The following KIF16B variants were observed in gnomAD, a reference collection of about 807,000 sequenced individuals.
KIF16B encodes kinesin-like protein KIF16B.
KIF16B carries 98 observed loss-of-function variants against 156.3 expected under a neutral mutation model. That is an observed-to-expected ratio of 0.63 (90% confidence interval 0.53 to 0.74). KIF16B has a LOEUF of 0.74. Among genes scored for constraint, KIF16B ranks in the 30% least tolerant of loss-of-function variants. The probability of loss-of-function intolerance (pLI) is 0.00; values close to 1 mark genes in which losing one functional copy is unlikely to be tolerated. For missense variants in KIF16B, 1,421 were observed against 1,606.5 expected, an observed-to-expected ratio of 0.88 and a Z score of 1.97; for synonymous variants, 564 against 583.7, an observed-to-expected ratio of 0.97 and a Z score of 0.49.
chr20:16,276,290 A>G (rs2063060443), intron 25 of KIF16B, among the ~76,000 whole-genome samples: 1 of 152,258 alleles, frequency 6.6e-6, no homozygotes, highest in African/African-American at 2.4e-5. Context: ...AAAGTTAAAA[A>G]TATAAATGAA....
intron 4 of KIF16B, among the ~76,000 whole-genome samples, chr20:16,514,831 AGCTGAG>A (rs2069085803): frequency 7.3e-6 from 1 of 137,858 alleles, no homozygotes; most frequent in Admixed American, 7.8e-5. Flanking sequence ...GCTTGCAGCG[AGCTGAG>A]ATCGCACCAC....
chr20:16,568,992 C>G (rs907832656), intron 1 of KIF16B, among the ~76,000 whole-genome samples: 2 of 151,964 alleles, frequency 1.3e-5, no homozygotes, highest in South Asian at 2.1e-4. Flanking sequence ...AGAGGTAGGG[C>G]CTTTGGGAGG....
rs141618118 is a variant in KIF16B at position 16,380,007 on chromosome 20, G to A, written c.1995C>T (p.Ile665=). The change falls in exon 19 of 26, where the codon ATC becomes ATT. Residue 665 remains isoleucine, a synonymous_variant. Transcript: ENST00000354981. ...CAAGTAAATCCTTTAGCTTGTTCTC[G>A]ATGTGGAAGCTGCGGCGTTTGAGGC... The part of the protein sequence containing the change: ...EESLKRRSFH[I]ENKLKDLLAE... 6.9e-6 allele frequency: 11 copies of A among 1,604,284 alleles called. No homozygotes were observed. Among genetic ancestry groups the A allele is most frequent in the African/African-American group, 1.4e-5 (1 of 74,030 alleles).
intron 25 of KIF16B, among the ~76,000 whole-genome samples, chr20:16,278,769 C>T (rs1033278119): frequency 1.3e-5 from 2 of 152,126 alleles, no homozygotes; most frequent in African/African-American, 4.8e-5. Flanking sequence ...TGAGAGACAC[C>T]CTAGACTCAG....
chr20:16,521,542 G>A (rs912286267), intron 3 of KIF16B, among the ~76,000 whole-genome samples: 1 of 152,126 alleles, frequency 6.6e-6, no homozygotes, highest in African/African-American at 2.4e-5. Context: ...ACCTATGTTT[G>A]ATTGGTGTAC....
At chr20:16,315,848 G>A (rs1308339563) in intron 24 of KIF16B, among the ~76,000 whole-genome samples, 1 of 152,244 alleles carries the variant, frequency 6.6e-6, no homozygotes, top group African/African-American at 2.4e-5. Flanking sequence ...TGTGGCTCAT[G>A]ATAGAAATGT....
At chr20:16,490,999 C>T (rs1374348993) in intron 12 of KIF16B, among the ~76,000 whole-genome samples, 2 of 152,102 alleles carry the variant, frequency 1.3e-5, no homozygotes, top group Non-Finnish European at 2.9e-5. Flanking sequence ...CCAATACCAC[C>T]TAACTCAGAG....
chr20:16,347,083 A>C (rs1274982693), intron 23 of KIF16B, among the ~76,000 whole-genome samples: 1 of 152,194 alleles, frequency 6.6e-6, no homozygotes. Flanking sequence ...TGTAAAATGC[A>C]TTCATGATTC....
chr20:16,532,185 T>TA (rs11087173), intron 1 of KIF16B, among the ~76,000 whole-genome samples: 152,266 of 152,272 alleles, frequency 1, 76,130 homozygotes, highest in Middle Eastern at 1. Context: ...TATTATGACT[T>TA]AAAAAACCTT....
At chr20:16,513,898 T>C (rs906100533) in intron 4 of KIF16B, among the ~76,000 whole-genome samples, 1 of 152,158 alleles carries the variant, frequency 6.6e-6, no homozygotes, top group Non-Finnish European at 1.5e-5. Flanking sequence ...CAATGCTTTA[T>C]TCACATGTTC....
rs1335234413 is a variant in KIF16B at position 16,428,999 on chromosome 20, A to G, written c.1428T>C (p.Gly476=). Residue 476 remains glycine (G), a synonymous_variant, in exon 14 of 26, where the codon GGT becomes GGC. Transcript: ENST00000354981. The part of the protein sequence containing the change: ...TGIILYHLKE[G]QTYVGRDDAS... The stretch of plus-strand genomic sequence containing the variant: ...CATCGTCTCTACCAACGTATGTCTG[A>G]CCTTCCTGGGAAGAAAACCCAAGCA... 2.5e-6 allele frequency: 4 copies of G among 1,612,990 alleles called. No homozygotes were observed. The South Asian group carries it at 4.4e-5, about 18-fold the overall frequency.
chr20:16,520,211 C>T (rs2069292988), intron 3 of KIF16B, among the ~76,000 whole-genome samples: 1 of 151,858 alleles, frequency 6.6e-6, no homozygotes, highest in Non-Finnish European at 1.5e-5. Context: ...AAGCTGAAGC[C>T]AGGGAGCCAA....
chr20:16,314,351 T>C (rs2063665657), intron 24 of KIF16B, among the ~76,000 whole-genome samples: 1 of 152,234 alleles, frequency 6.6e-6, no homozygotes, highest in Admixed American at 6.5e-5. Flanking sequence ...TAGCCTGTCT[T>C]AAAAGTTGAT....
intron 5 of KIF16B, among the ~76,000 whole-genome samples, chr20:16,512,028 T>C (rs893621113): frequency 2.6e-5 from 4 of 151,998 alleles, no homozygotes; most frequent in African/African-American, 9.7e-5. Flanking sequence ...ACACCTGTAA[T>C]CCCAGCTACT....
At chr20:16,308,162 G>A (rs1357538473) in intron 25 of KIF16B, among the ~76,000 whole-genome samples, 1 of 152,146 alleles carries the variant, frequency 6.6e-6, no homozygotes, top group Non-Finnish European at 1.5e-5. Context: ...TACTCACAAA[G>A]TGAATATTTG....
Position 16,272,637 on chromosome 20 carries a change from G to A in KIF16B, c.*616C>T, listed in dbSNP as rs1361214312. On this transcript the variant is annotated 3_prime_UTR_variant, in exon 26 of 26. Transcript: ENST00000354981. Reference sequence around the variant, plus strand: ...GTCTACATCCAATTTGTCAAGCATGGAAGACTACAGTCATGATTGGATCAA... The same window carrying A: ...GTCTACATCCAATTTGTCAAGCATGAAAGACTACAGTCATGATTGGATCAA... The A allele has an allele frequency of 1.3e-5, 2 of 152,518 alleles. No homozygotes were observed. Among genetic ancestry groups the A allele is most frequent in the Non-Finnish European group, 2.9e-5 (2 of 68,028 alleles). The allele number at this position is 152,518 out of a possible 1,614,324, so 9.4% of individuals were successfully genotyped here.
At chr20:16,447,317 CT>C (rs1018151034) in intron 12 of KIF16B, among the ~76,000 whole-genome samples, 16 of 151,710 alleles carry the variant, frequency 1.1e-4, no homozygotes, top group African/African-American at 1.9e-4. Context: ...AAAAAAGTTC[CT>C]TTTTTTTAAT....
intron 15 of KIF16B, among the ~76,000 whole-genome samples, chr20:16,418,474 A>G (rs1201636447): frequency 6.6e-6 from 1 of 152,160 alleles, no homozygotes; most frequent in African/African-American, 2.4e-5. Context: ...AAGGTTCAAC[A>G]GAAACCAGCC....
intron 23 of KIF16B, 44 bp downstream of exon 23, chr20:16,356,286 A>T (rs1350679020): frequency 3.1e-6 from 5 of 1,612,074 alleles, no homozygotes; most frequent in Non-Finnish European, 4.2e-6. Flanking sequence ...AGCACTGCAT[A>T]GTCTCCAACC....
Sources: allele counts gnomAD v4.1 joint callset (sites outside exome capture counted in the v4.1 genomes callset), GRCh38; gene constraint gnomAD v4.1.1; transcripts MANE v1.5; gene names NCBI Gene and HGNC (gene_info 2026-07-23, HGNC 2026-07-21).